ALOX5: variants seen among roughly 807,000 people sequenced by gnomAD.
The protein encoded by ALOX5 is arachidonate 5-lipoxygenase.
ALOX5 carries 64 observed loss-of-function variants against 87.9 expected under a neutral mutation model. That is an observed-to-expected ratio of 0.73 (90% CI 0.60 to 0.90). The LOEUF (loss-of-function observed/expected upper bound fraction) is 0.90. Ranked by LOEUF, ALOX5 falls within the 40% of genes least tolerant of loss-of-function variation. The probability of loss-of-function intolerance (pLI) is 0.00; values close to 1 mark genes in which losing one functional copy is unlikely to be tolerated. For missense variants in ALOX5, 822 were observed against 907.5 expected (o/e 0.91, Z 1.21); for synonymous variants, 388 against 355.1 (o/e 1.09, Z -1.04).
At chr10:45,391,694 G>C (rs1019615025) in intron 2 of ALOX5, among the ~76,000 whole-genome samples, 1 of 151,298 alleles carries the variant, frequency 6.6e-6, no homozygotes, top group African/African-American at 2.4e-5. Flanking sequence ...AGTGAGGAGC[G>C]TCTCTGCCCA....
At chr10:45,383,227 T>C (rs533327257) in intron 2 of ALOX5, among the ~76,000 whole-genome samples, 1 of 152,360 alleles carries the variant, frequency 6.6e-6, no homozygotes, top group African/African-American at 2.4e-5. Context: ...GTCTCACCTT[T>C]CGCTGAAAGA....
At chr10:45,401,996 A>G (rs984370483) in intron 3 of ALOX5, among the ~76,000 whole-genome samples, 2 of 151,340 alleles carry the variant, frequency 1.3e-5, no homozygotes, top group African/African-American at 4.9e-5. Flanking sequence ...CTGAGGCAAG[A>G]GAATGGCGTG....
chr10:45,440,468 C>T lies in ALOX5; in HGVS notation c.1020C>T (p.Leu340=), dbSNP rs1285370257. Residue 340 remains leucine, a synonymous_variant, in exon 8 of 14, where the codon CTC becomes CTT. Coordinates refer to ENST00000374391, the MANE Select transcript of ALOX5 (RefSeq NM_000698.5). ...QIPGDENPIF[L]PSDAKYDWLL... ...CGGGAGATGAGAACCCTATTTTCCT[C>T]CCTTCGGATGCAAAATACGACTGGC... The T allele has an allele frequency of 3.1e-6, 5 of 1,614,240 alleles. No individual in the cohort carries two copies. The highest frequency in any genetic ancestry group is 3.4e-6 in the Non-Finnish European group (4 of 1,180,042).
At chr10:45,437,890 C>T (rs1811604) in intron 7 of ALOX5, among the ~76,000 whole-genome samples, 5,179 of 152,280 alleles carry the variant, frequency 0.034, 313 homozygotes, top group African/African-American at 0.12. Context: ...GTTCCATCTG[C>T]GAGGAGCACC....
intron 3 of ALOX5, among the ~76,000 whole-genome samples, chr10:45,411,536 C>T (rs1841064213): frequency 6.6e-6 from 1 of 152,208 alleles, no homozygotes; most frequent in Admixed American, 6.5e-5. Flanking sequence ...ATGTCAGGAT[C>T]TGAGCATGTT....
rs140137954 is a variant in ALOX5 at position 45,399,469 on chromosome 10, T to C, written c.431+3533T>C. On this transcript the variant is annotated intron_variant, in intron 3 of 13. Transcript: ENST00000374391. ...TATGTGCATTATATTTCAATAACGC[T>C]GCTAGATAAATTTAAAAATTAATTC... Among the ~76,000 whole-genome samples the C allele has an allele frequency of 5.9e-3, 905 of 152,336 alleles. 6 individuals carry two copies. Among genetic ancestry groups the C allele is most frequent in the African/African-American group, 0.02 (819 of 41,570 alleles).
intron 7 of ALOX5, among the ~76,000 whole-genome samples, chr10:45,434,548 G>C (rs927232830): frequency 6.6e-6 from 1 of 152,206 alleles, no homozygotes; most frequent in Non-Finnish European, 1.5e-5. Flanking sequence ...TCCACAATGA[G>C]TTAACAGTGG....
rs1402035390 is a variant in ALOX5, at chr10:45,444,118, C to T, written c.1677C>T (p.Tyr559=). The T allele has an allele frequency of 3.9e-6, 6 of 1,541,100 alleles. No individual in the cohort carries two copies. The highest frequency in any genetic ancestry group is 4.9e-5 in the East Asian group (2 of 40,810). Residue 559 remains tyrosine, a splice_region_variant and synonymous_variant, in exon 13 of 14, where the codon TAC becomes TAT. Transcript: ENST00000374391. Reference sequence around the variant, plus strand: ...CTTGCTGGCGGTCGTCTCCGCAGTACGACTGGTGCTCCTGGATCCCCAATG... The same window carrying T: ...CTTGCTGGCGGTCGTCTCCGCAGTATGACTGGTGCTCCTGGATCCCCAATG... The part of the protein sequence containing the change: ...AQHAAVNFGQ[Y]DWCSWIPNAP...
intron 1 of ALOX5, among the ~76,000 whole-genome samples, chr10:45,374,777 C>A: frequency 6.6e-6 from 1 of 152,178 alleles, no homozygotes; most frequent in Admixed American, 6.5e-5. Flanking sequence ...GGCTCCGGAG[C>A]CCCCTTCACT....
chr10:45,423,644 C>G (rs1257398275), intron 4 of ALOX5, among the ~76,000 whole-genome samples: 1 of 152,208 alleles, frequency 6.6e-6, no homozygotes, highest in Non-Finnish European at 1.5e-5. Context: ...CATGAGTTTT[C>G]AAGTCAATTG....
At chr10:45,396,035 C>T (rs1281635853) in intron 3 of ALOX5, 99 bp downstream of exon 3, 61 of 1,286,600 alleles carry the variant, frequency 4.7e-5, no homozygotes, top group Non-Finnish European at 6.3e-5. Flanking sequence ...TATGGCCTGT[C>T]ACTGCTGGAA....
At chr10:45,431,100 G>A (rs1398227543) in intron 7 of ALOX5, among the ~76,000 whole-genome samples, 1 of 152,008 alleles carries the variant, frequency 6.6e-6, no homozygotes, top group Non-Finnish European at 1.5e-5. Flanking sequence ...ATACCCATAA[G>A]GATAAAGTTT....
Position 45,445,848 on chromosome 10 carries a change from T to G in ALOX5, c.*161T>G. ...TTGATCTTCAGGGAACTGCATAGAT[T>G]GATCAAAGTGTAAACACCATAGGGA... On this transcript the variant is annotated 3_prime_UTR_variant, in exon 14 of 14. Coordinates refer to ENST00000374391, the MANE Select transcript of ALOX5 (RefSeq NM_000698.5). 1.3e-6 allele frequency: 1 copy of G among 792,102 alleles called. No homozygotes were observed. The highest frequency in any genetic ancestry group is 2.0e-6 in the Non-Finnish European group (1 of 508,602). 49.1% of individuals were successfully genotyped at this position (792,102 alleles called of 1,614,324 possible).
chr10:45,429,324 G>A (rs558861384), intron 7 of ALOX5, among the ~76,000 whole-genome samples: 1 of 152,326 alleles, frequency 6.6e-6, no homozygotes, highest in Admixed American at 6.5e-5. Flanking sequence ...CCAAGGCCAG[G>A]ACTGGACTGG....
chr10:45,401,617 T>C (rs1033692193), intron 3 of ALOX5, among the ~76,000 whole-genome samples: 3 of 152,222 alleles, frequency 2.0e-5, no homozygotes, highest in Admixed American at 2.0e-4. Context: ...CTATGTACTA[T>C]TCCATTGGAT....
intron 2 of ALOX5, among the ~76,000 whole-genome samples, chr10:45,391,010 T>TCC (rs1840209141): frequency 3.4e-5 from 1 of 29,354 alleles, no homozygotes; most frequent in African/African-American, 1.5e-4. Context: ...CTCCCCTCTC[T>TCC]CCTCTCCCAT....
chr10:45,421,017 G>A (rs1841487168), intron 4 of ALOX5, among the ~76,000 whole-genome samples: 1 of 152,250 alleles, frequency 6.6e-6, no homozygotes, highest in African/African-American at 2.4e-5. Context: ...AGATGCAGGA[G>A]AAAGCTAGGT....
In ALOX5 at chr10:45,428,136, G is replaced by GC. The variant is rs1408383755; in HGVS notation, c.835-476dup. On this transcript the variant is annotated intron_variant, in intron 6 of 13. Coordinates refer to ENST00000374391, the MANE Select transcript of ALOX5 (RefSeq NM_000698.5). ...AGAATCCCCTCCCCCTTCCCCCGCA[G>GC]CCCCCCTACCCCACCCGGCGGACAG... Among the ~76,000 whole-genome samples the GC allele has an allele frequency of 2.5e-3, 156 of 61,728 alleles. 1 individual carries two copies. In the South Asian group the frequency reaches 0.096, roughly 38 times the overall value. The allele number at this position is 61,728 out of a possible 152,430, so 40.5% of individuals were successfully genotyped here.
chr10:45,432,085 G>A (rs1418234822), intron 7 of ALOX5, among the ~76,000 whole-genome samples: 1 of 150,018 alleles, frequency 6.7e-6, no homozygotes, highest in Non-Finnish European at 1.5e-5. Flanking sequence ...TTAAAAAATT[G>A]AAAGATTCAT....
Sources: allele counts gnomAD v4.1 joint callset (sites outside exome capture counted in the v4.1 genomes callset), GRCh38; gene constraint gnomAD v4.1.1; transcripts MANE v1.5; gene names NCBI Gene and HGNC (gene_info 2026-07-23, HGNC 2026-07-21).